The following RBM14 variants were observed in gnomAD, a reference collection of about 807,000 sequenced individuals.
The protein encoded by RBM14 is RNA-binding protein 14.
RBM14 carries 5 observed loss-of-function variants against 52.8 expected under a neutral mutation model. That is an observed-to-expected ratio of 0.09 (90% CI 0.05 to 0.20). The LOEUF is 0.20. Ranked by LOEUF, RBM14 falls within the 10% of genes least tolerant of loss-of-function variation. The pLI is 1.00. For missense variants in RBM14, 780 were observed against 926.6 expected (o/e 0.84, Z 2.05); for synonymous variants, 411 against 401.8 (o/e 1.02, Z -0.28).
chr11:66,620,010 C>T (rs1174424131), intron 1 of RBM14, among the ~76,000 whole-genome samples: 1 of 152,224 alleles, frequency 6.6e-6, no homozygotes, highest in Admixed American at 6.5e-5. Flanking sequence ...GCAGTGATTT[C>T]CTTCAGAGTT....
intron 1 of RBM14, among the ~76,000 whole-genome samples, chr11:66,619,813 G>A (rs1014933884): frequency 6.6e-6 from 1 of 152,204 alleles, no homozygotes; most frequent in Admixed American, 6.5e-5. Flanking sequence ...TGATCCGCCT[G>A]CCTCAGCCTC....
chr11:66,624,671 C>A lies in RBM14; in HGVS notation c.795C>A (p.Pro265=). The A allele has an allele frequency of 6.2e-7, 1 of 1,613,628 alleles. No individual in the cohort carries two copies. The highest frequency in any genetic ancestry group is 8.5e-7 in the Non-Finnish European group (1 of 1,179,874). Reference sequence around the variant, plus strand: ...TGGGTGTTGGCTATCGGACTCAGCCCATGACAGCCCAGGCAGCCTCTTACC... The same window carrying A: ...TGGGTGTTGGCTATCGGACTCAGCCAATGACAGCCCAGGCAGCCTCTTACC... The part of the protein sequence containing the change: ...ASLGVGYRTQ[P]MTAQAASYRA... Residue 265 remains proline (P), a synonymous_variant, in exon 2 of 3, where the codon CCC becomes CCA. Coordinates refer to ENST00000310137, the MANE Select transcript of RBM14 (RefSeq NM_006328.4). The surrounding 1 kb of genome is among the most constrained non-coding windows in gnomAD (Gnocchi z 4.7).
At position 66,626,651 on chromosome 11, in the gene RBM14, T is replaced by C; in HGVS notation, c.1993T>C (p.Tyr665His). 1 of 1,609,126 alleles carries C rather than the reference T, an allele frequency of 6.2e-7. No individual in the cohort carries two copies. The highest frequency in any genetic ancestry group is 1.1e-5 in the South Asian group (1 of 90,658). The change falls in exon 3 of 3, where the codon TAC (tyrosine) becomes CAC (histidine). Residue 665 changes from tyrosine (Y) to histidine (H), a missense_variant. Coordinates refer to ENST00000310137, the MANE Select transcript of RBM14 (RefSeq NM_006328.4). ...GCGGGCGGCTCAGATGCACTCTGGCTACCAGCGCCGCATGTAGGGCCATCC... is the reference window on the plus strand; with the variant it reads ...GCGGGCGGCTCAGATGCACTCTGGCCACCAGCGCCGCATGTAGGGCCATCC... The part of the protein sequence containing the change: ...YLRAAQMHSG[Y>H]QRRM
chr11:66,625,985 C>A lies in RBM14; in HGVS notation c.1802+307C>A, dbSNP rs1440796842. On this transcript the variant is annotated intron_variant, in intron 2 of 2. Transcript: ENST00000310137. The surrounding 1 kb of genome is among the most constrained non-coding windows in gnomAD (Gnocchi z 4.2). ...GGACTGTGGCCCATATCCTTTCCCA[C>A]TGTCTCAAGGATCCTTAAGCCTATT... 6.6e-6 allele frequency among the ~76,000 whole-genome samples: 1 copy of A among 152,212 alleles called. No homozygotes were observed. Among genetic ancestry groups the A allele is most frequent in the African/African-American group, 2.4e-5 (1 of 41,452 alleles).
In RBM14 at chr11:66,625,354, C is replaced by T. The variant is rs139642034; in HGVS notation, c.1478C>T (p.Ala493Val). ...TCCTATGGGGCTCAGTCGGCTGCTG[C>T]GGCCACTGGCTCCTATGGTGCCGCA... ...SGSYGAQSAAAATGSYGAAAA... is the reference protein window; with the variant it reads ...SGSYGAQSAAVATGSYGAAAA... The change falls in exon 2 of 3, where the codon GCG (alanine) becomes GTG (valine). Residue 493 changes from alanine to valine, a missense_variant. This residue lies in a region of RBM14 where 675 missense variants were observed against 697.3 expected (regional missense o/e 0.97). Coordinates refer to ENST00000310137, the MANE Select transcript of RBM14 (RefSeq NM_006328.4). This position sits in a 1 kb window ranked among gnomAD's most constrained non-coding sequence, Gnocchi z 4.2. The T allele has an allele frequency of 3.8e-3, 6,123 of 1,606,276 alleles. 16 individuals are homozygous for T. Among genetic ancestry groups the T allele is most frequent in the Non-Finnish European group, 4.6e-3 (5,455 of 1,177,732 alleles).
intron 1 of RBM14, among the ~76,000 whole-genome samples, chr11:66,622,226 C>CTTTT (rs1859146984): frequency 6.7e-6 from 1 of 149,004 alleles, no homozygotes; most frequent in Admixed American, 6.7e-5. Flanking sequence ...AGTTTCTTTT[C>CTTTT]TTTTTTTCTT....
In RBM14 at chr11:66,625,564, A is replaced by G. The variant is rs1937762566; in HGVS notation, c.1688A>G (p.Gln563Arg). 6.2e-7 allele frequency: 1 copy of G among 1,611,486 alleles called. No individual in the cohort carries two copies. The highest frequency in any genetic ancestry group is 8.5e-7 in the Non-Finnish European group (1 of 1,179,714). The change falls in exon 2 of 3, where the codon CAG (glutamine) becomes CGG (arginine). Residue 563 changes from glutamine (Q) to arginine (R), a missense_variant. Transcript: ENST00000310137. The surrounding 1 kb of genome is among the most constrained non-coding windows in gnomAD (Gnocchi z 4.2). Reference sequence around the variant, plus strand: ...TCTGCAGCCTACCTGTCCATGTCCCAGGGGGCCGTTGCCAACGCCAACAGC... The same window carrying G: ...TCTGCAGCCTACCTGTCCATGTCCCGGGGGGCCGTTGCCAACGCCAACAGC... ...QPSAAYLSMS[Q>R]GAVANANSTP...
Position 66,625,726 on chromosome 11 carries a change from G to A in RBM14, c.1802+48G>A, listed in dbSNP as rs1565072475. 4.2e-6 allele frequency: 6 copies of A among 1,437,278 alleles called. No individual in the cohort carries two copies. Among genetic ancestry groups the A allele is most frequent in the Non-Finnish European group, 5.6e-6 (6 of 1,062,974 alleles). The allele number at this position is 1,437,278 out of a possible 1,614,324, so 89.0% of individuals were successfully genotyped here. ...TGCCCCCAGCTGGGGCTTAGGGCAAGGGGCTGAGGTTGGCATGGGAGGGAA... is the reference window on the plus strand; with the variant it reads ...TGCCCCCAGCTGGGGCTTAGGGCAAAGGGCTGAGGTTGGCATGGGAGGGAA... On this transcript the variant is annotated intron_variant, in intron 2 of 2. Transcript: ENST00000310137. The surrounding 1 kb of genome is among the most constrained non-coding windows in gnomAD (Gnocchi z 4.2).
Position 66,624,967 on chromosome 11 carries a change from C to G in RBM14, c.1091C>G (p.Ser364Cys). ...TATGGGGTTCGTGCAGCTGCTTCTTCCTACAACACCCAGGGAGCAGCTTCC... is the reference window on the plus strand; with the variant it reads ...TATGGGGTTCGTGCAGCTGCTTCTTGCTACAACACCCAGGGAGCAGCTTCC... ...SSYGVRAAAS[S>C]YNTQGAASSL... Residue 364 changes from serine to cysteine, a missense_variant, in exon 2 of 3, where the codon TCC (serine) becomes TGC (cysteine). Physicochemically the swap from Ser to Cys is moderately radical, Grantham distance 112 (BLOSUM62 -1). Around this residue, in one of 4 missense-constraint regions of RBM14, gnomAD observed 675 missense variants for 697.3 expected, o/e 0.97. Transcript: ENST00000310137. The surrounding 1 kb of genome is among the most constrained non-coding windows in gnomAD (Gnocchi z 4.7). 1 of 1,614,024 alleles carries G rather than the reference C, an allele frequency of 6.2e-7. No homozygotes were observed. Among genetic ancestry groups the G allele is most frequent in the South Asian group, 1.1e-5 (1 of 91,074 alleles).
intron 1 of RBM14, among the ~76,000 whole-genome samples, chr11:66,621,191 C>T (rs1859093031): frequency 6.6e-6 from 1 of 151,502 alleles, no homozygotes; most frequent in Non-Finnish European, 1.5e-5. Context: ...TTTTAAAGGG[C>T]TCTTAGGCCA....
At chr11:66,621,860 C>T (rs1381383492) in intron 1 of RBM14, among the ~76,000 whole-genome samples, 2 of 152,150 alleles carry the variant, frequency 1.3e-5, no homozygotes, top group Admixed American at 6.5e-5. Flanking sequence ...TTCTCTTGAA[C>T]CTCTTAACTT....
At chr11:66,626,345 C>G (rs924171808) in intron 2 of RBM14, 116 bp from the exon 3 acceptor site, 1 of 1,045,426 alleles carries the variant, frequency 9.6e-7, no homozygotes, top group Non-Finnish European at 1.4e-6. Flanking sequence ...GGAGACCAAT[C>G]TCTTGGAGAC....
At position 66,624,120 on chromosome 11, in the gene RBM14, A is replaced by C; in HGVS notation, c.338-94A>C. The stretch of plus-strand genomic sequence containing the variant: ...TTTGGAGGCCTTGGAGGTAGCTGGC[A>C]ACAGCTGGGTGCTGTTGTGTGTCCA... On this transcript the variant is annotated intron_variant, in intron 1 of 2. Transcript: ENST00000310137. This position sits in a 1 kb window ranked among gnomAD's most constrained non-coding sequence, Gnocchi z 4.7. 1 of 1,541,378 alleles carries C rather than the reference A, an allele frequency of 6.5e-7. No homozygotes were observed. The highest frequency in any genetic ancestry group is 8.7e-7 in the Non-Finnish European group (1 of 1,143,720).
intron 1 of RBM14, chr11:66,618,400 C>T (rs1858946210): frequency 4.4e-6 from 3 of 686,174 alleles, no homozygotes; most frequent in Non-Finnish European, 5.5e-6. Flanking sequence ...CATTCCTAGT[C>T]CTTTAAGTGG....
rs1433426389 is a variant in RBM14 at position 66,625,702 on chromosome 11, G to T, written c.1802+24G>T. On this transcript the variant is annotated intron_variant, in intron 2 of 2. Transcript: ENST00000310137. This position sits in a 1 kb window ranked among gnomAD's most constrained non-coding sequence, Gnocchi z 4.2. ...AGGTACTGTATGCCCCCCCGCCTCTGCCCCCAGCTGGGGCTTAGGGCAAGG... is the reference window on the plus strand; with the variant it reads ...AGGTACTGTATGCCCCCCCGCCTCTTCCCCCAGCTGGGGCTTAGGGCAAGG... The T allele has an allele frequency of 3.2e-6, 5 of 1,542,516 alleles. No homozygotes were observed. The highest frequency in any genetic ancestry group is 3.5e-6 in the Non-Finnish European group (4 of 1,137,744).
chr11:66,623,535 C>T (rs772634399), intron 1 of RBM14, among the ~76,000 whole-genome samples: 1 of 152,204 alleles, frequency 6.6e-6, no homozygotes, highest in South Asian at 2.1e-4. Flanking sequence ...CATGTATGTC[C>T]ACCTGTTAAA....
Position 66,627,838 on chromosome 11 carries a change from G to C in RBM14, c.*1170G>C, listed in dbSNP as rs1396161873. Among the ~76,000 whole-genome samples the C allele has an allele frequency of 6.6e-6, 1 of 152,122 alleles. No individual in the cohort carries two copies. The highest frequency in any genetic ancestry group is 1.5e-5 in the Non-Finnish European group (1 of 68,024). On this transcript the variant is annotated 3_prime_UTR_variant, in exon 3 of 3. Transcript: ENST00000310137. ...GTAGTGGAGTGGGGGTAATGGCGTT[G>C]CCTGATACTGCCCTATGGTTGGAAT... is the stretch of plus-strand genomic sequence containing the variant.
rs187855052 is a variant in RBM14, at chr11:66,628,480, C to T, written c.*1812C>T. ...CCTCTTGCCATCGTGCAAAAGCATT[C>T]GATCTTATGACCGTGAGTTCTTATT... On this transcript the variant is annotated 3_prime_UTR_variant, in exon 3 of 3. Transcript: ENST00000310137. Among the ~76,000 whole-genome samples, 2 of 150,286 alleles carry T rather than the reference C, an allele frequency of 1.3e-5. No individual in the cohort carries two copies. Among genetic ancestry groups the T allele is most frequent in the Admixed American group, 6.8e-5 (1 of 14,690 alleles).
At chr11:66,623,342 G>A (rs1310739319) in intron 1 of RBM14, among the ~76,000 whole-genome samples, 1 of 152,154 alleles carries the variant, frequency 6.6e-6, no homozygotes, top group Non-Finnish European at 1.5e-5. Flanking sequence ...ATACCTCATT[G>A]GCTTACACAG....
Sources: allele counts gnomAD v4.1 joint callset (sites outside exome capture counted in the v4.1 genomes callset), GRCh38; gene constraint gnomAD v4.1.1; regional missense constraint gnomAD v4.1.1; non-coding constraint Gnocchi (gnomAD v3.1); transcripts MANE v1.5; gene names NCBI Gene and HGNC (gene_info 2026-07-23, HGNC 2026-07-21).